The following GRM1 variants were observed in gnomAD, a reference collection of about 807,000 sequenced individuals.
The protein encoded by GRM1 is metabotropic glutamate receptor 1.
GRM1 carries 33 observed loss-of-function variants against 90.9 expected under a neutral mutation model. The observed-to-expected ratio is 0.36, with a 90% CI of 0.28 to 0.49. GRM1 has a LOEUF of 0.49. Ranked by LOEUF, GRM1 falls within the 20% of genes least tolerant of loss-of-function variation. The pLI, the probability that GRM1 is intolerant of heterozygous loss-of-function variation, is 0.99. For synonymous variants in GRM1, 700 were observed against 613.2 expected, an observed-to-expected ratio of 1.14 and a Z score of -2.09; for missense variants, 1,190 against 1,534.3, an observed-to-expected ratio of 0.78 and a Z score of 3.75.
rs529169452 is a variant in GRM1 at position 146,359,821 on chromosome 6, C to A, written c.1602+2127C>A. Among the ~76,000 whole-genome samples the A allele has an allele frequency of 3.3e-5, 5 of 152,228 alleles. No homozygotes were observed. In the East Asian group the frequency reaches 9.7e-4, roughly 29 times the overall value. On this transcript the variant is annotated intron_variant, in intron 5 of 7. Transcript: ENST00000282753. ...GAGATCCCAGAAGTTGTTGCTGAGC[C>A]ATTACAGAGCATTCACTATAAATGC...
chr6:146,399,756 TC>T lies in GRM1; in HGVS notation c.2660+58del. 1 of 1,064,874 alleles carries T rather than the reference TC, an allele frequency of 9.4e-7. No homozygotes were observed. The allele number at this position is 1,064,874 out of a possible 1,614,324, so 66.0% of individuals were successfully genotyped here. A position where few individuals can be genotyped will look rare whatever the true frequency, so the allele number is the denominator to read the frequency against. On this transcript the variant is annotated intron_variant, in intron 7 of 7. Transcript: ENST00000282753. The surrounding 1 kb of genome is among the most constrained non-coding windows in gnomAD (Gnocchi z 5.4). ...CTCTTCCTTTCTCTGTCTCTTTCTC[TC>T]TCTCTCTCTCTCTCTCTTTCTCTGT...
chr6:146,056,107 A>G (rs1237325729), intron 1 of GRM1, among the ~76,000 whole-genome samples: 2 of 152,168 alleles, frequency 1.3e-5, no homozygotes, highest in Non-Finnish European at 2.9e-5. Flanking sequence ...TCTTGGTGGC[A>G]TAATGGGAAA....
chr6:146,365,677 C>G lies in GRM1; in HGVS notation c.1602+7983C>G, dbSNP rs1775656252. On this transcript the variant is annotated intron_variant, in intron 5 of 7. Coordinates refer to ENST00000282753, the MANE Select transcript of GRM1 (RefSeq NM_001278064.2). The stretch of plus-strand genomic sequence containing the variant: ...TACCTAGCCTTGCTCTAGCTGTCCC[C>G]TCTGCCTAGAACACTCTTTCACCAG... Among the ~76,000 whole-genome samples the G allele has an allele frequency of 2.0e-5, 3 of 152,208 alleles. No homozygotes were observed. The South Asian group carries it at 6.2e-4, about 31-fold the overall frequency.
chr6:146,254,707 T>G (rs1014436145), intron 2 of GRM1, among the ~76,000 whole-genome samples: 8 of 152,220 alleles, frequency 5.3e-5, no homozygotes, highest in African/African-American at 1.9e-4. Flanking sequence ...ACTAAATTGA[T>G]TTCATAACTT....
At chr6:146,074,265 C>T (rs997354763) in intron 1 of GRM1, among the ~76,000 whole-genome samples, 3 of 152,060 alleles carry the variant, frequency 2.0e-5, no homozygotes, top group Non-Finnish European at 4.4e-5. Context: ...GCCTTCATCT[C>T]GAAAAGGTTG....
At chr6:146,153,792 T>C (rs1009752157) in intron 1 of GRM1, among the ~76,000 whole-genome samples, 5 of 152,272 alleles carry the variant, frequency 3.3e-5, no homozygotes, top group African/African-American at 9.6e-5. Flanking sequence ...AACTTAAAAG[T>C]TGAACAGCAA....
chr6:146,101,515 G>A (rs564631890), intron 1 of GRM1, among the ~76,000 whole-genome samples: 17 of 152,070 alleles, frequency 1.1e-4, no homozygotes, highest in Admixed American at 1.0e-3. Context: ...GATGGGCCAC[G>A]CTTCTGTCTC....
At chr6:146,096,824 G>T (rs1776889449) in intron 1 of GRM1, among the ~76,000 whole-genome samples, 1 of 152,044 alleles carries the variant, frequency 6.6e-6, no homozygotes, top group Admixed American at 6.6e-5. Flanking sequence ...AGGAAAATTT[G>T]TTATAATTTT....
chr6:146,074,236 G>A (rs1040576209), intron 1 of GRM1, among the ~76,000 whole-genome samples: 1 of 152,146 alleles, frequency 6.6e-6, no homozygotes. Context: ...GGTTGGAGTG[G>A]TGTGGGCAAG....
At chr6:146,046,817 T>A (rs1791348996) in intron 1 of GRM1, among the ~76,000 whole-genome samples, 1 of 152,018 alleles carries the variant, frequency 6.6e-6, no homozygotes, top group South Asian at 2.1e-4. Flanking sequence ...CCATTGTTTT[T>A]AGTCCAGATG....
At chr6:146,279,141 C>T (rs916524672) in intron 2 of GRM1, among the ~76,000 whole-genome samples, 1 of 152,146 alleles carries the variant, frequency 6.6e-6, no homozygotes, top group African/African-American at 2.4e-5. Flanking sequence ...ACATTATTGG[C>T]ATAACATTTT....
At chr6:146,130,219 TTC>T (rs1331983999) in intron 1 of GRM1, among the ~76,000 whole-genome samples, 1 of 151,966 alleles carries the variant, frequency 6.6e-6, no homozygotes. Context: ...AGATTTAGTT[TTC>T]TCTTTCTTTC....
chr6:146,335,621 A>G (rs1476547329), intron 3 of GRM1, among the ~76,000 whole-genome samples: 1 of 152,182 alleles, frequency 6.6e-6, no homozygotes, highest in Non-Finnish European at 1.5e-5. Flanking sequence ...CAAGTCCTAG[A>G]ACATCATTTT....
intron 1 of GRM1, among the ~76,000 whole-genome samples, chr6:146,148,375 T>C (rs1428356495): frequency 6.6e-6 from 1 of 152,152 alleles, no homozygotes; most frequent in East Asian, 1.9e-4. Flanking sequence ...GCTTTATATA[T>C]GTAAATGTAT....
chr6:146,031,488 CAT>C lies in GRM1; in HGVS notation c.700+1275_700+1276del, dbSNP rs139573740. Among the ~76,000 whole-genome samples the C allele has an allele frequency of 4.0e-3, 610 of 152,060 alleles. 17 individuals are homozygous for C. In the East Asian group the frequency reaches 0.071, roughly 18 times the overall value. The stretch of plus-strand genomic sequence containing the variant: ...ATTATATGGTTATCATTATTGAAAA[CAT>C]ATACTTTATAAAGGGAACAGAATTT... On this transcript the variant is annotated intron_variant, in intron 1 of 7. Coordinates refer to ENST00000282753, the MANE Select transcript of GRM1 (RefSeq NM_001278064.2).
intron 1 of GRM1, among the ~76,000 whole-genome samples, chr6:146,146,101 A>ATGTTTTTT (rs1316492768): frequency 3.4e-5 from 1 of 29,522 alleles, no homozygotes; most frequent in African/African-American, 8.4e-5. Context: ...CTACCATTGT[A>ATGTTTTTT]TCTTTTTTTT....
intron 3 of GRM1, among the ~76,000 whole-genome samples, chr6:146,313,072 G>A (rs755790983): frequency 2.8e-4 from 42 of 152,270 alleles, no homozygotes; most frequent in African/African-American, 6.5e-4. Context: ...TTTCCCAAAA[G>A]CTCAAATAAT....
intron 1 of GRM1, among the ~76,000 whole-genome samples, chr6:146,144,218 G>A (rs745570672): frequency 1.3e-5 from 2 of 152,166 alleles, no homozygotes; most frequent in Non-Finnish European, 2.9e-5. Context: ...AAGAGTGTGA[G>A]CACTTTGGTG....
At chr6:146,032,040 G>A (rs1418497453) in intron 1 of GRM1, among the ~76,000 whole-genome samples, 5 of 152,130 alleles carry the variant, frequency 3.3e-5, no homozygotes, top group African/African-American at 4.8e-5. Context: ...TTGGTGAGAG[G>A]TGGCTAATAG....
Sources: gnomAD v4.1 joint callset for allele counts (sites outside exome capture counted in the v4.1 genomes callset) on GRCh38, gnomAD v4.1.1 for gene constraint, Gnocchi (gnomAD v3.1) non-coding constraint, MANE v1.5 for transcripts, NCBI Gene and HGNC (gene_info 2026-07-23, HGNC 2026-07-21) for gene names.